Variants in CTDSP1 observed in about 807,000 individuals in gnomAD.
CTDSP1 encodes the protein CTD small phosphatase 1.
In CTDSP1, 15 loss-of-function variants were observed where a neutral mutation model predicts 32.5. The observed-to-expected ratio is 0.46, with a 90% CI of 0.31 to 0.71. The LOEUF is 0.71. Ranked by LOEUF, CTDSP1 falls within the 30% of genes least tolerant of loss-of-function variation. CTDSP1 has a pLI of 0.05. For synonymous variants in CTDSP1, 185 were observed against 145.4 expected, an observed-to-expected ratio of 1.27 and a Z score of -1.96; for missense variants, 294 against 351.1, an observed-to-expected ratio of 0.84 and a Z score of 1.30.
At chr2:218,402,585 G>T in intron 4 of CTDSP1, 180 bp downstream of exon 4, 3 of 772,664 alleles carry the variant, frequency 3.9e-6, no homozygotes, top group East Asian at 2.5e-5. Context: ...CTGACTCCAA[G>T]CCTGCAGAGT....
At chr2:218,399,694 A>G, upstream of CTDSP1, 5 of 967,108 alleles carry the variant, frequency 5.2e-6, no homozygotes, top group Non-Finnish European at 6.2e-6. Flanking sequence ...GGCGGGCGGC[A>G]GGAAGGGAGG....
chr2:218,400,472 C>T, intron 1 of CTDSP1: 2 of 460,318 alleles, frequency 4.3e-6, no homozygotes, highest in Non-Finnish European at 8.1e-6. Context: ...ACCATTGGCG[C>T]CAATGGGGCT....
upstream of CTDSP1, among the ~76,000 whole-genome samples, chr2:218,398,072 C>T (rs938630015): frequency 3.3e-5 from 5 of 152,196 alleles, no homozygotes; most frequent in Admixed American, 2.0e-4. Context: ...AAGCGCGCCA[C>T]CCAACCCAGG....
chr2:218,401,238 C>T (rs903813730), intron 1 of CTDSP1: 4 of 420,804 alleles, frequency 9.5e-6, no homozygotes, highest in South Asian at 2.1e-5. Flanking sequence ...CAGGAGGCAC[C>T]GCAATGGGGC....
At chr2:218,401,290 A>G (rs1697122445) in intron 1 of CTDSP1, 1 of 523,880 alleles carries the variant, frequency 1.9e-6, no homozygotes. Flanking sequence ...GCAGGGAGAG[A>G]GCACCCCAGG....
chr2:218,402,627 C>T (rs1385805404), intron 4 of CTDSP1: 3 of 762,268 alleles, frequency 3.9e-6, no homozygotes, highest in South Asian at 2.8e-5. Flanking sequence ...CCGTGCTGTG[C>T]TCCCTCGCCC....
At chr2:218,401,789 G>C in intron 2 of CTDSP1, 77 bp downstream of exon 2, 1 of 1,369,990 alleles carries the variant, frequency 7.3e-7, no homozygotes, top group Admixed American at 2.8e-5. Context: ...GCTCCTGACT[G>C]AGCTTTTCAG....
chr2:218,404,080 G>A (rs2579959), intron 6 of CTDSP1, among the ~76,000 whole-genome samples: 83,096 of 151,942 alleles, frequency 0.55, 23,726 homozygotes, highest in East Asian at 0.69. Context: ...AAAAGTATCC[G>A]AGTGCTTCGC....
chr2:218,401,846 T>A, intron 2 of CTDSP1, 134 bp downstream of exon 2: 1 of 892,630 alleles, frequency 1.1e-6, no homozygotes, highest in Non-Finnish European at 1.7e-6. Flanking sequence ...GGTGGCAGCC[T>A]CCCCTGCCAG....
chr2:218,404,237 C>T, intron 6 of CTDSP1, 60 bp from the exon 7 acceptor site: 1 of 1,589,618 alleles, frequency 6.3e-7, no homozygotes, highest in East Asian at 2.2e-5. Context: ...TAGGGCTGGC[C>T]TGGAAATTCT....
In CTDSP1 at chr2:218,405,420, C is replaced by T. The variant is rs955203572; in HGVS notation, c.*995C>T. On this transcript the variant is annotated 3_prime_UTR_variant, in exon 7 of 7. Coordinates refer to ENST00000273062, the MANE Select transcript of CTDSP1 (RefSeq NM_021198.3). ...ATTCAAAAAAACATTTCTTGAGCAC[C>T]TTCTGTGCCCAGCATATGCTAGGCC... is the stretch of plus-strand genomic sequence containing the variant. 2 of 152,638 alleles carry T rather than the reference C, an allele frequency of 1.3e-5. No homozygotes were observed. The highest frequency in any genetic ancestry group is 2.9e-5 in the Non-Finnish European group (2 of 68,160). The allele number at this position is 152,638 out of a possible 1,614,324, so 9.5% of individuals were successfully genotyped here.
intron 1 of CTDSP1, chr2:218,401,309 C>T (rs1300171267): frequency 1.3e-5 from 7 of 553,568 alleles, no homozygotes; most frequent in Admixed American, 6.5e-5. Context: ...GGACCTCCTT[C>T]TCCAGGCCAC....
chr2:218,402,970 C>A, intron 4 of CTDSP1, 65 bp from the exon 5 acceptor site: 1 of 1,249,872 alleles, frequency 8.0e-7, no homozygotes, highest in Non-Finnish European at 1.2e-6. Flanking sequence ...CCATGCCCTG[C>A]CAGCCCTCGG....
chr2:218,399,734 G>A, upstream of CTDSP1: 1 of 1,006,666 alleles, frequency 9.9e-7, no homozygotes, highest in Non-Finnish European at 1.2e-6. Context: ...GCAGGAACCC[G>A]GCCCGGCCCG....
intron 2 of CTDSP1, 45 bp from the exon 3 acceptor site, chr2:218,402,066 C>T: frequency 7.4e-7 from 1 of 1,350,632 alleles, no homozygotes; most frequent in Non-Finnish European, 1.1e-6. Flanking sequence ...GAGGAAGGAC[C>T]AGGCCCGGAG....
chr2:218,399,514 G>A (rs1696988410), upstream of CTDSP1: 1 of 153,140 alleles, frequency 6.5e-6, no homozygotes, highest in Non-Finnish European at 1.5e-5. Flanking sequence ...AAACCGAGAA[G>A]CCTCTAGTCC....
At chr2:218,400,970 C>CGGAGGGGGGTGGGGTG in intron 1 of CTDSP1, 2 of 100,670 alleles carry the variant, frequency 2.0e-5, no homozygotes, top group Non-Finnish European at 3.9e-5. Flanking sequence ...TGCAGGGGGC[C>CGGAGGGGGGTGGGGTG]GGAGGGGGGT....
intron 5 of CTDSP1, 24 bp downstream of exon 5, chr2:218,403,151 G>A (rs200471933): frequency 6.2e-7 from 1 of 1,613,748 alleles, no homozygotes; most frequent in Non-Finnish European, 8.5e-7. Flanking sequence ...GGGTCCCGGG[G>A]CAACCCTGCC....
At chr2:218,402,637 C>T (rs1697211872) in intron 4 of CTDSP1, 3 of 766,214 alleles carry the variant, frequency 3.9e-6, no homozygotes, top group East Asian at 2.5e-5. Flanking sequence ...CTCCCTCGCC[C>T]CACCCTGCCC....
Sources: allele counts gnomAD v4.1 joint callset (sites outside exome capture counted in the v4.1 genomes callset), GRCh38; gene constraint gnomAD v4.1.1; transcripts MANE v1.5; gene names NCBI Gene and HGNC (gene_info 2026-07-23, HGNC 2026-07-21).